Variants in CORIN observed in about 807,000 individuals in gnomAD.
CORIN encodes the protein corin, serine peptidase, also known as atrial natriuretic peptide-converting enzyme.
Under a neutral mutation model 125.3 loss-of-function variants are expected in CORIN, and 117 were observed. The observed-to-expected ratio is 0.93, with a 90% CI of 0.80 to 1.09. CORIN has a LOEUF of 1.09. Ranked by LOEUF, CORIN falls within the 50% of genes least tolerant of loss-of-function variation. CORIN has a pLI of 0.00. For synonymous variants in CORIN, 450 were observed against 466.4 expected, an observed-to-expected ratio of 0.96 and a Z score of 0.45; for missense variants, 1,253 against 1,306.7, an observed-to-expected ratio of 0.96 and a Z score of 0.63.
chr4:47,612,471 T>C (rs1197904355), intron 19 of CORIN, among the ~76,000 whole-genome samples: 3 of 152,178 alleles, frequency 2.0e-5, no homozygotes, highest in Non-Finnish European at 2.9e-5. Flanking sequence ...AGCCTGGATG[T>C]CTCATTAGTA....
At chr4:47,661,295 A>C (rs1343704656) in intron 12 of CORIN, among the ~76,000 whole-genome samples, 2 of 152,208 alleles carry the variant, frequency 1.3e-5, no homozygotes, top group Non-Finnish European at 2.9e-5. Flanking sequence ...GTCAACAATA[A>C]TTTATTGTAC....
At chr4:47,707,591 T>C (rs1204397380) in intron 5 of CORIN, among the ~76,000 whole-genome samples, 1 of 152,238 alleles carries the variant, frequency 6.6e-6, no homozygotes. Flanking sequence ...ATGGCAAAAC[T>C]ACAGGACCTT....
At chr4:47,753,331 TG>T (rs1399054762) in intron 4 of CORIN, among the ~76,000 whole-genome samples, 1 of 152,256 alleles carries the variant, frequency 6.6e-6, no homozygotes, top group Non-Finnish European at 1.5e-5. Flanking sequence ...GATGAGGGTC[TG>T]TTTTCAGCTG....
At chr4:47,747,928 G>A (rs1362512239) in intron 4 of CORIN, among the ~76,000 whole-genome samples, 1 of 152,142 alleles carries the variant, frequency 6.6e-6, no homozygotes, top group African/African-American at 2.4e-5. Flanking sequence ...CACCAGATTT[G>A]CTAAATTTCA....
At chr4:47,765,452 G>A (rs1270537199) in intron 3 of CORIN, among the ~76,000 whole-genome samples, 1 of 151,938 alleles carries the variant, frequency 6.6e-6, no homozygotes, top group Non-Finnish European at 1.5e-5. Context: ...TAAATATTTG[G>A]ACTGTTTTCA....
At chr4:47,833,503 C>T (rs565893577) in intron 1 of CORIN, among the ~76,000 whole-genome samples, 22 of 121,646 alleles carry the variant, frequency 1.8e-4, no homozygotes, top group African/African-American at 2.2e-4. Context: ...TTCTTGGATA[C>T]GACACCAAAA....
chr4:47,773,854 G>C (rs932013234), intron 3 of CORIN, among the ~76,000 whole-genome samples: 1 of 151,266 alleles, frequency 6.6e-6, no homozygotes, highest in African/African-American at 2.4e-5. Context: ...TGATTTGAAA[G>C]ATAAAAGGTA....
intron 5 of CORIN, among the ~76,000 whole-genome samples, chr4:47,723,473 G>A (rs1230761888): frequency 6.6e-6 from 1 of 152,144 alleles, no homozygotes; most frequent in Non-Finnish European, 1.5e-5. Flanking sequence ...ACACTCATGG[G>A]GAGGATCCAG....
At chr4:47,650,509 C>A (rs145353044) in intron 13 of CORIN, among the ~76,000 whole-genome samples, 109 of 152,226 alleles carry the variant, frequency 7.2e-4, no homozygotes, top group East Asian at 2.7e-3. Context: ...CAAGAGATAA[C>A]CTCAGCCTCA....
chr4:47,752,957 T>C (rs1428683912), intron 4 of CORIN, among the ~76,000 whole-genome samples: 1 of 151,788 alleles, frequency 6.6e-6, no homozygotes, highest in African/African-American at 2.4e-5. Context: ...TTCAAATGAA[T>C]TGAATCACAA....
At chr4:47,683,611 G>A (rs1387934197) in intron 7 of CORIN, 120 bp downstream of exon 7, 1 of 689,358 alleles carries the variant, frequency 1.5e-6, no homozygotes, top group Non-Finnish European at 2.4e-6. Flanking sequence ...TAAAAAACAA[G>A]AAACCAATCA....
chr4:47,776,166 C>G (rs1479080638), intron 3 of CORIN, among the ~76,000 whole-genome samples: 1 of 151,666 alleles, frequency 6.6e-6, no homozygotes, highest in Admixed American at 6.6e-5. Context: ...ACTACAGGCA[C>G]TCCTCACCAT....
At chr4:47,612,102 C>T (rs1323217689) in intron 19 of CORIN, among the ~76,000 whole-genome samples, 1 of 152,148 alleles carries the variant, frequency 6.6e-6, no homozygotes, top group Non-Finnish European at 1.5e-5. Flanking sequence ...GGAGCACCTC[C>T]TTTTCAATTT....
intron 5 of CORIN, among the ~76,000 whole-genome samples, chr4:47,733,208 G>A (rs967955054): frequency 6.6e-6 from 1 of 152,110 alleles, no homozygotes; most frequent in African/African-American, 2.4e-5. Context: ...CTACCACTTA[G>A]GTATTATTAT....
chr4:47,786,850 T>C lies in CORIN; in HGVS notation c.284A>G (p.Asp95Gly), dbSNP rs754340210. 3.3e-5 allele frequency: 54 copies of C among 1,613,822 alleles called. 1 individual carries two copies. In the African/African-American group the frequency reaches 6.0e-4, roughly 18 times the overall value. ...ATAAATTGTATTTGTAAGAATAACATCGGACCCTTGGATTTCACCATCAGT... is the reference window on the plus strand; with the variant it reads ...ATAAATTGTATTTGTAAGAATAACACCGGACCCTTGGATTTCACCATCAGT... ...LVTDGEIQGSDVILTNTIYNQ... is the reference protein window; with the variant it reads ...LVTDGEIQGSGVILTNTIYNQ... The change falls in exon 3 of 22, where the codon GAT becomes GGT. Residue 95 changes from aspartate (D) to glycine (G), a missense_variant. Transcript: ENST00000273857.
chr4:47,680,830 C>T (rs535887278), intron 7 of CORIN: 2 of 152,588 alleles, frequency 1.3e-5, no homozygotes, highest in East Asian at 3.9e-4. Flanking sequence ...TAGCTCACTG[C>T]AGCCTCAACC....
intron 5 of CORIN, among the ~76,000 whole-genome samples, chr4:47,704,877 C>A (rs1399849511): frequency 2.0e-5 from 3 of 152,096 alleles, no homozygotes; most frequent in Non-Finnish European, 4.4e-5. Context: ...AGGACACGTG[C>A]AGTTCCCAAG....
chr4:47,749,417 T>C (rs1027311571), intron 4 of CORIN, among the ~76,000 whole-genome samples: 2 of 152,208 alleles, frequency 1.3e-5, no homozygotes, highest in African/African-American at 4.8e-5. Flanking sequence ...AATAGACAGC[T>C]AGGAACTAAG....
At chr4:47,739,965 G>A (rs1728313263) in intron 5 of CORIN, among the ~76,000 whole-genome samples, 1 of 151,614 alleles carries the variant, frequency 6.6e-6, no homozygotes, top group South Asian at 2.1e-4. Context: ...ATTTAAAATG[G>A]CACACCCCAA....
Sources: gnomAD v4.1 joint callset for allele counts (sites outside exome capture counted in the v4.1 genomes callset) on GRCh38, gnomAD v4.1.1 for gene constraint, MANE v1.5 for transcripts, NCBI Gene and HGNC (gene_info 2026-07-23, HGNC 2026-07-21) for gene names.